DUSP13B: variants seen among roughly 807,000 people sequenced by gnomAD.
DUSP13B encodes dual specificity protein phosphatase 13B.
chr10:75,100,969 T>C, the DUSP13B span, among the ~76,000 whole-genome samples: 2 of 152,242 alleles, frequency 1.3e-5, no homozygotes, highest in Non-Finnish European at 2.9e-5. Flanking sequence ...CAGTTTCAGA[T>C]AGTCCCCTGG....
At chr10:75,094,728 C>A in the DUSP13B span, 1 of 1,614,130 alleles carries the variant, frequency 6.2e-7, no homozygotes, top group South Asian at 1.1e-5. Flanking sequence ...CTGGAGCTGC[C>A]GGAGGAAGCC....
the DUSP13B span, among the ~76,000 whole-genome samples, chr10:75,098,676 C>T: frequency 3.3e-5 from 5 of 152,114 alleles, no homozygotes; most frequent in Non-Finnish European, 5.9e-5. Flanking sequence ...GCAGGAGAAC[C>T]TTTTGAACCT....
the DUSP13B span, chr10:75,098,003 C>A: frequency 1.1e-6 from 1 of 884,166 alleles, no homozygotes. Context: ...GGAAGGGCTT[C>A]ATCTATTTCA....
chr10:75,102,784 C>A, the DUSP13B span, among the ~76,000 whole-genome samples: 1 of 152,056 alleles, frequency 6.6e-6, no homozygotes, highest in Non-Finnish European at 1.5e-5. Context: ...GAAAACCTGC[C>A]TCTACTAAAA....
the DUSP13B span, chr10:75,099,514 C>A: frequency 7.1e-4 from 876 of 1,231,800 alleles, 14 homozygotes; most frequent in East Asian, 0.024. Flanking sequence ...GCAGGTTCTG[C>A]CCAGAACACA....
At chr10:75,094,854 A>T in the DUSP13B span, 2 of 1,614,112 alleles carry the variant, frequency 1.2e-6, no homozygotes, top group South Asian at 1.1e-5. Flanking sequence ...GCTTACCCCC[A>T]TGGCACAGTG....
the DUSP13B span, chr10:75,105,597 A>C: frequency 7.1e-7 from 1 of 1,416,258 alleles, no homozygotes; most frequent in Non-Finnish European, 9.7e-7. Flanking sequence ...CTATGTCTGC[A>C]GCCTAGGCCC....
the DUSP13B span, chr10:75,104,195 G>T: frequency 1.2e-6 from 1 of 833,358 alleles, no homozygotes; most frequent in South Asian, 1.6e-5. Context: ...ACCTAAACCT[G>T]CTTCTGCCTT....
the DUSP13B span, chr10:75,109,127 C>A: frequency 6.2e-7 from 1 of 1,606,842 alleles, no homozygotes; most frequent in Non-Finnish European, 8.5e-7. Context: ...TTGTCCTCTC[C>A]CCCCAGCTCT....
chr10:75,094,504 G>T, the DUSP13B span: 1 of 631,390 alleles, frequency 1.6e-6, no homozygotes, highest in Non-Finnish European at 2.7e-6. Context: ...TCTCTGAATT[G>T]GGTCAGGGAA....
chr10:75,099,938 G>C, the DUSP13B span, among the ~76,000 whole-genome samples: 1 of 152,144 alleles, frequency 6.6e-6, no homozygotes, highest in Non-Finnish European at 1.5e-5. Flanking sequence ...TCACTGCAGG[G>C]CAGAGGGCAG....
At chr10:75,105,667 C>T in the DUSP13B span, 6 of 1,548,700 alleles carry the variant, frequency 3.9e-6, no homozygotes, top group Non-Finnish European at 5.2e-6. Context: ...TCACCTGGCC[C>T]CTCAGCTCTG....
At chr10:75,095,442 A>C in the DUSP13B span, 3 of 774,052 alleles carry the variant, frequency 3.9e-6, no homozygotes, top group East Asian at 8.0e-5. Flanking sequence ...GGTAGTAGCT[A>C]TTTTCCCTAT....
the DUSP13B span, among the ~76,000 whole-genome samples, chr10:75,103,278 G>A: frequency 2.6e-5 from 4 of 152,378 alleles, no homozygotes; most frequent in South Asian, 8.3e-4. Flanking sequence ...TAGGGGCCAA[G>A]GCCGATGGGA....
chr10:75,104,165 G>C, the DUSP13B span: 3 of 1,188,510 alleles, frequency 2.5e-6, no homozygotes, highest in Admixed American at 7.1e-5. Flanking sequence ...GGACTTGTTG[G>C]GGCAGGGATA....
chr10:75,094,982 T>TGTAGA, the DUSP13B span: 1 of 1,014,824 alleles, frequency 9.9e-7, no homozygotes, highest in Non-Finnish European at 1.5e-6. Flanking sequence ...CCTGGAATAC[T>TGTAGA]GACACTGTCT....
chr10:75,105,233 G>A, the DUSP13B span, among the ~76,000 whole-genome samples: 678 of 152,336 alleles, frequency 4.5e-3, 5 homozygotes, highest in African/African-American at 0.015. Flanking sequence ...GTTCAGGAGG[G>A]TCCAGGCTGG....
At chr10:75,095,380 T>G in the DUSP13B span, among the ~76,000 whole-genome samples, 4 of 152,226 alleles carry the variant, frequency 2.6e-5, no homozygotes, top group Non-Finnish European at 1.5e-5. Context: ...ATCTTAGTTA[T>G]GTCTGCAATT....
At chr10:75,099,572 G>GC in the DUSP13B span, 4 of 1,211,580 alleles carry the variant, frequency 3.3e-6, no homozygotes, top group East Asian at 1.1e-4. Context: ...GGGCGCCCAT[G>GC]GGGGGTGGGG....
Sources: gnomAD v4.1 joint callset for allele counts (sites outside exome capture counted in the v4.1 genomes callset) on GRCh38, gnomAD v4.1.1 for gene constraint, MANE v1.5 for transcripts, NCBI Gene and HGNC (gene_info 2026-07-23, HGNC 2026-07-21) for gene names.